Variants in CPM observed in about 807,000 individuals in gnomAD.
CPM encodes the protein renal carboxypeptidase.
A neutral mutation model predicts 46.4 loss-of-function variants in CPM; 35 were observed. The observed-to-expected ratio is 0.75, with a 90% confidence interval of 0.58 to 1.00. The LOEUF is 1.00. Ranked by LOEUF, CPM falls within the 50% of genes least tolerant of loss-of-function variation. The pLI, the probability that CPM is intolerant of heterozygous loss-of-function variation, is 0.00. For synonymous variants in CPM, 195 were observed against 195.3 expected, an observed-to-expected ratio of 1.00 and a Z score of 0.01; for missense variants, 422 against 530.4, an observed-to-expected ratio of 0.80 and a Z score of 2.01.
At chr12:68,922,727 G>C (rs1481042523) in intron 2 of CPM, among the ~76,000 whole-genome samples, 1 of 151,398 alleles carries the variant, frequency 6.6e-6, no homozygotes, top group Non-Finnish European at 1.5e-5. Context: ...TTTAAAACCT[G>C]TGACATGCAG....
Position 68,956,426 on chromosome 12 carries a change from C to T in CPM, c.-4+6743G>A, listed in dbSNP as rs370215868. On this transcript the variant is annotated intron_variant, in intron 1 of 8. Transcript: ENST00000546373. ...AGGGTCTGTTCCCGGCTCCCACTGG[C>T]TCCATGGAGCCTGCTGCCCCAGCCA... Among the ~76,000 whole-genome samples, 32 of 152,196 alleles carry T rather than the reference C, an allele frequency of 2.1e-4. No homozygotes were observed. In the East Asian group the frequency reaches 3.7e-3, roughly 17 times the overall value.
rs1171847756 is a variant in CPM at position 68,869,292 on chromosome 12, T to C, written c.787+33A>G. On this transcript the variant is annotated intron_variant, in intron 6 of 8. Transcript: ENST00000551568. ...AGCTGGCACTTCTGGGTGAAGGCAA[T>C]AAGGAGAATGGAAGAAATGAAGAGA... 1.9e-6 allele frequency: 3 copies of C among 1,600,592 alleles called. No homozygotes were observed. The South Asian group carries it at 3.4e-5, about 18-fold the overall frequency.
chr12:68,842,611 G>A, intron 5 of CPM: 1 of 285,826 alleles, frequency 3.5e-6, no homozygotes. Flanking sequence ...AGTGAAATGT[G>A]GACATAAAAT....
intron 2 of CPM, among the ~76,000 whole-genome samples, chr12:68,929,302 T>C (rs1213892256): frequency 6.6e-6 from 1 of 152,124 alleles, no homozygotes; most frequent in Non-Finnish European, 1.5e-5. Flanking sequence ...GCTCAGCAAA[T>C]ATTTGATCCA....
chr12:68,922,618 AT>A (rs10603077), intron 2 of CPM, among the ~76,000 whole-genome samples: 81,420 of 138,040 alleles, frequency 0.59, 23,891 homozygotes, highest in East Asian at 0.68. Context: ...AGTTGGCAGC[AT>A]TTTTTTTTTT....
At chr12:68,865,381 A>G (rs1885390709) in intron 7 of CPM, among the ~76,000 whole-genome samples, 1 of 152,144 alleles carries the variant, frequency 6.6e-6, no homozygotes, top group Admixed American at 6.5e-5. Context: ...CAGGGCATGG[A>G]GGCTGGGGAT....
At chr12:68,858,451 T>A (rs1168001581) in intron 8 of CPM, among the ~76,000 whole-genome samples, 1 of 152,220 alleles carries the variant, frequency 6.6e-6, no homozygotes, top group South Asian at 2.1e-4. Flanking sequence ...CTGCAAAATA[T>A]GTTTATCATT....
chr12:68,866,802 A>G, intron 7 of CPM, 94 bp downstream of exon 7: 1 of 1,045,422 alleles, frequency 9.6e-7, no homozygotes, highest in Non-Finnish European at 1.4e-6. Context: ...ATAACTACAA[A>G]GCATAAATAA....
At chr12:68,925,379 T>C (rs1305136728) in intron 2 of CPM, among the ~76,000 whole-genome samples, 1 of 152,158 alleles carries the variant, frequency 6.6e-6, no homozygotes, top group Non-Finnish European at 1.5e-5. Context: ...GCTACAAAAC[T>C]GAGAATCCGG....
intron 3 of CPM, among the ~76,000 whole-genome samples, chr12:68,882,725 T>C (rs893786706): frequency 2.6e-5 from 4 of 152,242 alleles, no homozygotes; most frequent in Non-Finnish European, 5.9e-5. Flanking sequence ...CAGCATCTGT[T>C]ATTTTTTGAC....
chr12:68,951,308 T>C (rs994449679), intron 1 of CPM, among the ~76,000 whole-genome samples: 2 of 152,244 alleles, frequency 1.3e-5, no homozygotes, highest in Admixed American at 1.3e-4. Context: ...TGGGAATACA[T>C]TGAAGAACAA....
intron 2 of CPM, among the ~76,000 whole-genome samples, chr12:68,915,884 T>C (rs112094099): frequency 0.021 from 3,153 of 152,318 alleles, 124 homozygotes; most frequent in African/African-American, 0.072. Context: ...CTCTTGCCTA[T>C]AAAATGGGAA....
At chr12:68,882,290 C>T (rs1419520883) in intron 3 of CPM, among the ~76,000 whole-genome samples, 1 of 151,970 alleles carries the variant, frequency 6.6e-6, no homozygotes, top group Non-Finnish European at 1.5e-5. Flanking sequence ...CTTCTTTGTG[C>T]CCATGTGTAT....
chr12:68,919,458 G>T (rs2136303931), intron 2 of CPM, among the ~76,000 whole-genome samples: 1 of 152,332 alleles, frequency 6.6e-6, no homozygotes, highest in South Asian at 2.1e-4. Context: ...CTAACACAGT[G>T]CCTGGCACAC....
chr12:68,859,177 A>G, intron 7 of CPM, 106 bp from the exon 8 acceptor site: 3 of 574,914 alleles, frequency 5.2e-6, no homozygotes, highest in Non-Finnish European at 7.7e-6. Flanking sequence ...AGCTAACTCA[A>G]TGTTGTGAGT....
intron 2 of CPM, among the ~76,000 whole-genome samples, chr12:68,886,224 C>A (rs184718254): frequency 2.6e-5 from 4 of 152,070 alleles, no homozygotes; most frequent in Admixed American, 2.6e-4. Context: ...GATCCTGGAG[C>A]CTCCTAGGAT....
At chr12:68,863,263 T>G (rs1399728087) in intron 7 of CPM, among the ~76,000 whole-genome samples, 19 of 152,208 alleles carry the variant, frequency 1.2e-4, no homozygotes. Flanking sequence ...TCCCTTGCTC[T>G]CTAGGTTCAG....
At chr12:68,870,142 C>T (rs553643409) in intron 5 of CPM, 73 bp downstream of exon 5, 32 of 1,453,478 alleles carry the variant, frequency 2.2e-5, no homozygotes, top group Non-Finnish European at 3.0e-5. Context: ...AGAGCTGATC[C>T]CCATCCAGAG....
At chr12:68,870,143 C>A in intron 5 of CPM, 72 bp downstream of exon 5, 1 of 1,462,820 alleles carries the variant, frequency 6.8e-7, no homozygotes, top group South Asian at 1.3e-5. Flanking sequence ...GAGCTGATCC[C>A]CATCCAGAGG....
Sources: gnomAD v4.1 joint callset for allele counts (sites outside exome capture counted in the v4.1 genomes callset) on GRCh38, gnomAD v4.1.1 for gene constraint, MANE v1.5 for transcripts, NCBI Gene and HGNC (gene_info 2026-07-23, HGNC 2026-07-21) for gene names.